Variants in MICU2 observed in about 807,000 individuals in gnomAD.
The protein encoded by MICU2 is calcium uptake protein 2, mitochondrial.
In MICU2, 64 loss-of-function variants were observed where a neutral mutation model predicts 60.4. That is an observed-to-expected ratio of 1.06 (90% CI 0.87 to 1.31). The LOEUF (loss-of-function observed/expected upper bound fraction) is 1.31, where lower values mean the gene tolerates loss of function less well. Among genes scored for constraint, MICU2 ranks in the 50% most tolerant of loss-of-function variants. The pLI is 0.00. For synonymous variants in MICU2, 201 were observed against 175.0 expected, an observed-to-expected ratio of 1.15 and a Z score of -1.17; for missense variants, 569 against 531.0, an observed-to-expected ratio of 1.07 and a Z score of -0.70.
rs2138172353 is a variant in MICU2, at chr13:21,525,586, G to T, written c.467-2936C>A. 1.3e-5 allele frequency among the ~76,000 whole-genome samples: 2 copies of T among 151,458 alleles called. 1 individual carries two copies. Among genetic ancestry groups the T allele is most frequent in the South Asian group, 4.2e-4 (2 of 4,798 alleles). ...AAATTTCTCCACATCCTCAACGCTT[G>T]TATTTTCTTTTTTTTTTTAACTGCC... On this transcript the variant is annotated intron_variant, in intron 4 of 11. Transcript: ENST00000382374.
Position 21,493,090 on chromosome 13 carries a change from G to T in MICU2, c.*159C>A. 8.4e-6 allele frequency: 4 copies of T among 474,618 alleles called. No individual in the cohort carries two copies. Among genetic ancestry groups the T allele is most frequent in the South Asian group, 3.6e-5 (1 of 27,802 alleles). 29.4% of individuals were successfully genotyped at this position (474,618 alleles called of 1,614,324 possible). On this transcript the variant is annotated 3_prime_UTR_variant, in exon 12 of 12. Coordinates refer to ENST00000382374, the MANE Select transcript of MICU2 (RefSeq NM_152726.3). ...TTATACTTACTTTTCTTTCTACTAAGTTCTTTAATAAAATTATGAATCAGA... is the reference window on the plus strand; with the variant it reads ...TTATACTTACTTTTCTTTCTACTAATTTCTTTAATAAAATTATGAATCAGA...
intron 1 of MICU2, among the ~76,000 whole-genome samples, chr13:21,600,590 GAAAGT>G (rs1048978505): frequency 1.3e-5 from 2 of 152,072 alleles, no homozygotes; most frequent in East Asian, 3.9e-4. Context: ...GTGAAAGGAA[GAAAGT>G]AAAGAAAAAA....
At chr13:21,502,690 T>A (rs9509767) in intron 9 of MICU2, 5 of 398,978 alleles carry the variant, frequency 1.3e-5, no homozygotes, top group African/African-American at 2.1e-5. Flanking sequence ...ATAACAGTAG[T>A]GATACTTGTC....
At chr13:21,556,614 G>A (rs1255135188) in intron 2 of MICU2, among the ~76,000 whole-genome samples, 1 of 152,180 alleles carries the variant, frequency 6.6e-6, no homozygotes, top group Non-Finnish European at 1.5e-5. Flanking sequence ...GATGGAACTA[G>A]AGAAGGGGGC....
At chr13:21,538,048 C>G (rs1010815604) in intron 4 of MICU2, among the ~76,000 whole-genome samples, 2 of 152,066 alleles carry the variant, frequency 1.3e-5, no homozygotes, top group African/African-American at 4.8e-5. Context: ...AACATGCTCA[C>G]CACCTAAAAT....
intron 1 of MICU2, among the ~76,000 whole-genome samples, chr13:21,573,051 T>C (rs1213457569): frequency 6.6e-6 from 1 of 152,218 alleles, no homozygotes; most frequent in African/African-American, 2.4e-5. Flanking sequence ...TCAACATTAT[T>C]GTCTGATTTT....
At chr13:21,549,666 A>G in intron 2 of MICU2, among the ~76,000 whole-genome samples, 1 of 152,192 alleles carries the variant, frequency 6.6e-6, no homozygotes, top group East Asian at 1.9e-4. Flanking sequence ...CATATCATAT[A>G]CTGGTATAAG....
chr13:21,496,750 G>A (rs1316679766), intron 9 of MICU2: 1 of 152,186 alleles, frequency 6.6e-6, no homozygotes, highest in Admixed American at 6.6e-5. Flanking sequence ...TTCAAAATCT[G>A]AGCACTTACA....
At chr13:21,493,670 A>C (rs9552438) in intron 11 of MICU2, among the ~76,000 whole-genome samples, 90,530 of 151,818 alleles carry the variant, frequency 0.6, 27,941 homozygotes, top group East Asian at 1. Context: ...ATTACTTTAT[A>C]ATGTTTTCCT....
intron 8 of MICU2, among the ~76,000 whole-genome samples, chr13:21,509,783 A>G (rs912653023): frequency 6.6e-6 from 1 of 152,254 alleles, no homozygotes; most frequent in African/African-American, 2.4e-5. Flanking sequence ...TCTATGAAAC[A>G]GATACTACTT....
chr13:21,574,560 T>C (rs779313030), intron 1 of MICU2, among the ~76,000 whole-genome samples: 1 of 152,220 alleles, frequency 6.6e-6, no homozygotes, highest in Non-Finnish European at 1.5e-5. Context: ...TTTTTATCCA[T>C]GAAGTGACAT....
At chr13:21,532,487 T>C (rs1026561248) in intron 4 of MICU2, among the ~76,000 whole-genome samples, 1 of 152,206 alleles carries the variant, frequency 6.6e-6, no homozygotes, top group Admixed American at 6.5e-5. Context: ...AGATAGAGAA[T>C]TTCTCAGTGC....
intron 9 of MICU2, chr13:21,496,778 G>C (rs764496172): frequency 1.5e-4 from 23 of 152,300 alleles, no homozygotes; most frequent in African/African-American, 5.1e-4. Flanking sequence ...CAAATGGTGC[G>C]GGCGCGGTGA....
chr13:21,560,143 C>T (rs1887806392), intron 2 of MICU2, among the ~76,000 whole-genome samples: 1 of 152,082 alleles, frequency 6.6e-6, no homozygotes, highest in East Asian at 1.9e-4. Context: ...TTCAATTTCT[C>T]TAAGGCAACT....
intron 1 of MICU2, among the ~76,000 whole-genome samples, chr13:21,583,902 T>A (rs761475857): frequency 6.6e-6 from 1 of 152,224 alleles, no homozygotes; most frequent in Non-Finnish European, 1.5e-5. Context: ...TTAAGAAACA[T>A]AGAAATCAAC....
chr13:21,543,157 G>T (rs1887324380), intron 2 of MICU2, among the ~76,000 whole-genome samples: 1 of 152,142 alleles, frequency 6.6e-6, no homozygotes, highest in African/African-American at 2.4e-5. Context: ...AACCAAGGCA[G>T]AAAATGATGC....
intron 1 of MICU2, among the ~76,000 whole-genome samples, chr13:21,594,175 A>T (rs180694433): frequency 1.1e-3 from 174 of 152,338 alleles, no homozygotes; most frequent in Middle Eastern, 3.4e-3. Context: ...AAACTTAAAC[A>T]TATTTATAAG....
At chr13:21,577,630 C>A (rs537326429) in intron 1 of MICU2, among the ~76,000 whole-genome samples, 36 of 151,766 alleles carry the variant, frequency 2.4e-4, no homozygotes, top group Non-Finnish European at 4.9e-4. Context: ...ATGGTGAAAC[C>A]CTGTCTCTAC....
chr13:21,516,482 A>T (rs1886574166), intron 6 of MICU2, among the ~76,000 whole-genome samples: 1 of 152,166 alleles, frequency 6.6e-6, no homozygotes, highest in Non-Finnish European at 1.5e-5. Context: ...AGGTGTTTTC[A>T]TGGCTCCAGT....
Sources: allele counts gnomAD v4.1 joint callset (sites outside exome capture counted in the v4.1 genomes callset), GRCh38; gene constraint gnomAD v4.1.1; transcripts MANE v1.5; gene names NCBI Gene and HGNC (gene_info 2026-07-23, HGNC 2026-07-21).